Variants in CRIPT observed in about 807,000 individuals in gnomAD.
CRIPT encodes the protein cysteine-rich PDZ-binding protein.
A neutral mutation model predicts 16.6 loss-of-function variants in CRIPT; 20 were observed. The ratio of observed to expected loss-of-function variants is 1.20; its 90% CI spans 0.85 to 1.75. The LOEUF (loss-of-function observed/expected upper bound fraction) is 1.75, where lower values mean the gene tolerates loss of function less well. CRIPT is among the 40% of genes most tolerant of loss of function. The probability of loss-of-function intolerance (pLI) is 0.00; values close to 1 mark genes in which losing one functional copy is unlikely to be tolerated. For synonymous variants in CRIPT, 42 were observed against 37.0 expected, an observed-to-expected ratio of 1.14 and a Z score of -0.49; for missense variants, 133 against 115.3, an observed-to-expected ratio of 1.15 and a Z score of -0.70.
chr2:46,618,919 T>G, intron 2 of CRIPT, 81 bp downstream of exon 2: 1 of 852,186 alleles, frequency 1.2e-6, no homozygotes, highest in Non-Finnish European at 1.9e-6. Context: ...ATTTGTACAA[T>G]GAAATGTTAT....
rs560565201 is a variant in CRIPT, at chr2:46,630,106, A to G, written c.*5879A>G. 3.9e-5 allele frequency among the ~76,000 whole-genome samples: 6 copies of G among 152,280 alleles called. No homozygotes were observed. Among genetic ancestry groups the G allele is most frequent in the African/African-American group, 1.2e-4 (5 of 41,548 alleles). On this transcript the variant is annotated 3_prime_UTR_variant, in exon 5 of 5. Coordinates refer to ENST00000238892, the MANE Select transcript of CRIPT (RefSeq NM_014171.6). ...TTACTTAAGTTTGTATTTCCAAAGA[A>G]CAAGGGTGTTTTCCTGCATAGCCAT...
At chr2:46,620,664 G>A (rs1670778549) in intron 3 of CRIPT, among the ~76,000 whole-genome samples, 1 of 146,444 alleles carries the variant, frequency 6.8e-6, no homozygotes, top group Admixed American at 7.0e-5. Context: ...TCAATCTACT[G>A]GCTTTAAATT....
Position 46,624,242 on chromosome 2 carries a change from T to G in CRIPT, c.*15T>G. 6.6e-7 allele frequency: 1 copy of G among 1,521,976 alleles called. No individual in the cohort carries two copies. The highest frequency in any genetic ancestry group is 8.9e-7 in the Non-Finnish European group (1 of 1,124,212). 94.3% of individuals were successfully genotyped at this position (1,521,976 alleles called of 1,614,324 possible). A position where few individuals can be genotyped will look rare whatever the true frequency, so the allele number is the denominator to read the frequency against. On this transcript the variant is annotated 3_prime_UTR_variant, in exon 5 of 5. Coordinates refer to ENST00000238892, the MANE Select transcript of CRIPT (RefSeq NM_014171.6). ...CATCTGTCTAGATGTATTGATGGAA[T>G]TTCTGGCTTTCTAAATGATTTTACT...
intron 3 of CRIPT, among the ~76,000 whole-genome samples, chr2:46,621,272 G>A (rs982423832): frequency 3.3e-5 from 5 of 152,064 alleles, no homozygotes; most frequent in East Asian, 1.9e-4. Context: ...CTCCGGCTTC[G>A]TATTGTACCA....
chr2:46,623,545 A>G (rs1018794712), intron 3 of CRIPT, among the ~76,000 whole-genome samples: 4 of 152,216 alleles, frequency 2.6e-5, no homozygotes, highest in South Asian at 2.1e-4. Flanking sequence ...ATACTGTACA[A>G]CTGATTCTTT....
At position 46,627,053 on chromosome 2, in the gene CRIPT, G is replaced by C. The variant is rs1199834728; in HGVS notation, c.*2826G>C. Among the ~76,000 whole-genome samples, 2 of 152,094 alleles carry C rather than the reference G, an allele frequency of 1.3e-5. No homozygotes were observed. Among genetic ancestry groups the C allele is most frequent in the African/African-American group, 4.8e-5 (2 of 41,396 alleles). On this transcript the variant is annotated 3_prime_UTR_variant, in exon 5 of 5. Coordinates refer to ENST00000238892, the MANE Select transcript of CRIPT (RefSeq NM_014171.6). ...TCACCATGTTGGCCAGCCTGGTCTC[G>C]AATTCCTGACCTCAGGTGATCCACC... is the stretch of plus-strand genomic sequence containing the variant.
intron 3 of CRIPT, among the ~76,000 whole-genome samples, chr2:46,622,089 G>C (rs947345081): frequency 2.0e-5 from 3 of 152,198 alleles, no homozygotes; most frequent in African/African-American, 7.2e-5. Context: ...CCAAGGTTAG[G>C]CCGGGTGCGG....
In CRIPT at chr2:46,617,226, G is replaced by T. The variant is rs1218308706; in HGVS notation, c.-57G>T. 1.3e-6 allele frequency: 2 copies of T among 1,551,256 alleles called. No individual in the cohort carries two copies. On this transcript the variant is annotated 5_prime_UTR_variant, in exon 1 of 5. Transcript: ENST00000238892. ...AATACTTCCAAGTTGTAGTGTTGTT[G>T]TTTTCAGCCTGCTGCTGCTGCTGCT...
chr2:46,617,235 C>A lies in CRIPT; in HGVS notation c.-48C>A. ...AAGTTGTAGTGTTGTTGTTTTCAGCCTGCTGCTGCTGCTGCTGTTGCGGCT... is the reference window on the plus strand; with the variant it reads ...AAGTTGTAGTGTTGTTGTTTTCAGCATGCTGCTGCTGCTGCTGTTGCGGCT... On this transcript the variant is annotated 5_prime_UTR_variant, in exon 1 of 5. The change creates a new upstream start codon in the 5' untranslated region. Coordinates refer to ENST00000238892, the MANE Select transcript of CRIPT (RefSeq NM_014171.6). 1.5e-6 allele frequency: 2 copies of A among 1,346,574 alleles called. No homozygotes were observed. Among genetic ancestry groups the A allele is most frequent in the Non-Finnish European group, 2.0e-6 (2 of 992,648 alleles). 83.4% of individuals were successfully genotyped at this position (1,346,574 alleles called of 1,614,324 possible).
intron 3 of CRIPT, among the ~76,000 whole-genome samples, chr2:46,620,062 G>A (rs956191765): frequency 6.6e-6 from 1 of 152,072 alleles, no homozygotes; most frequent in Admixed American, 6.5e-5. Context: ...AGCATGTTTC[G>A]TGACCTTTCT....
At chr2:46,620,746 A>G (rs1025435177) in intron 3 of CRIPT, among the ~76,000 whole-genome samples, 15 of 148,664 alleles carry the variant, frequency 1.0e-4, no homozygotes, top group African/African-American at 3.7e-4. Context: ...TTATATATAT[A>G]TAACTCCCAA....
In CRIPT at chr2:46,625,319, C is replaced by T. The variant is rs1670911415; in HGVS notation, c.*1092C>T. Reference sequence around the variant, plus strand: ...CTTCTGATCTCAAGCAATCCTCTGGCCTCAGCCTTCCGAAGTGCTGGGATA... The same window carrying T: ...CTTCTGATCTCAAGCAATCCTCTGGTCTCAGCCTTCCGAAGTGCTGGGATA... On this transcript the variant is annotated 3_prime_UTR_variant, in exon 5 of 5. Coordinates refer to ENST00000238892, the MANE Select transcript of CRIPT (RefSeq NM_014171.6). The T allele has an allele frequency of 6.7e-6, 1 of 149,718 alleles. No homozygotes were observed. The highest frequency in any genetic ancestry group is 2.5e-5 in the African/African-American group (1 of 40,790). 9.3% of individuals were successfully genotyped at this position (149,718 alleles called of 1,614,324 possible).
intron 1 of CRIPT, among the ~76,000 whole-genome samples, 155 bp downstream of exon 1, chr2:46,617,453 TC>T (rs553402354): frequency 1.0e-3 from 154 of 152,182 alleles, no homozygotes; most frequent in African/African-American, 3.7e-3. Context: ...TTTTTGCACC[TC>T]CCAACGACCA....
In CRIPT at chr2:46,618,833, C is replaced by A. The variant is rs755092497; in HGVS notation, c.77C>A (p.Thr26Asn). 1.3e-6 allele frequency: 2 copies of A among 1,591,808 alleles called. No homozygotes were observed. Among genetic ancestry groups the A allele is most frequent in the East Asian group, 4.5e-5 (2 of 44,378 alleles). The change falls in exon 2 of 5, where the codon ACC becomes AAC. Residue 26 changes from threonine to asparagine, a missense_variant. Coordinates refer to ENST00000238892, the MANE Select transcript of CRIPT (RefSeq NM_014171.6). ...ACATGGAAAGATGGTGCTAGGAATA[C>A]CACAGGTATTTCTTCTTTTAGAAAA... is the stretch of plus-strand genomic sequence containing the variant. ...PDTWKDGARN[T>N]TESGGRKLNE...
At chr2:46,621,517 A>G (rs900107283) in intron 3 of CRIPT, among the ~76,000 whole-genome samples, 2 of 152,216 alleles carry the variant, frequency 1.3e-5, no homozygotes, top group East Asian at 1.9e-4. Context: ...AATTTTCTCT[A>G]TAATACTACT....
chr2:46,630,064 G>T lies in CRIPT; in HGVS notation c.*5837G>T, dbSNP rs530445581. 6.6e-6 allele frequency among the ~76,000 whole-genome samples: 1 copy of T among 151,842 alleles called. No homozygotes were observed. The highest frequency in any genetic ancestry group is 2.4e-5 in the African/African-American group (1 of 41,326). On this transcript the variant is annotated 3_prime_UTR_variant, in exon 5 of 5. Coordinates refer to ENST00000238892, the MANE Select transcript of CRIPT (RefSeq NM_014171.6). ...ATTTGAATATTCCTTACTAGATGTG[G>T]TGCCTCTTTACCCCAATTACTTAAG...
At chr2:46,619,013 C>T (rs1252843341) in intron 2 of CRIPT, among the ~76,000 whole-genome samples, 175 bp downstream of exon 2, 1 of 152,146 alleles carries the variant, frequency 6.6e-6, no homozygotes, top group Non-Finnish European at 1.5e-5. Context: ...TTCTCAGTTA[C>T]TTGTACGGGT....
chr2:46,620,624 C>T (rs983827043), intron 3 of CRIPT, among the ~76,000 whole-genome samples: 37 of 150,834 alleles, frequency 2.5e-4, no homozygotes, highest in Non-Finnish European at 7.4e-5. Flanking sequence ...CTGTTCTTGT[C>T]GAGATCACAA....
In CRIPT at chr2:46,624,537, A is replaced by G. The variant is rs1670887608; in HGVS notation, c.*310A>G. 5.4e-6 allele frequency: 1 copy of G among 184,182 alleles called. No homozygotes were observed. The highest frequency in any genetic ancestry group is 1.9e-4 in the South Asian group (1 of 5,382). 11.4% of individuals were successfully genotyped at this position (184,182 alleles called of 1,614,324 possible). A position where few individuals can be genotyped will look rare whatever the true frequency, so the allele number is the denominator to read the frequency against. ...ATTCTCCCCCCACCACTTTATTTATAGATACTGCAAAAGTGAGAAGGAGAT... is the reference window on the plus strand; with the variant it reads ...ATTCTCCCCCCACCACTTTATTTATGGATACTGCAAAAGTGAGAAGGAGAT... On this transcript the variant is annotated 3_prime_UTR_variant, in exon 5 of 5. Transcript: ENST00000238892.
Sources: gnomAD v4.1 joint callset for allele counts (sites outside exome capture counted in the v4.1 genomes callset) on GRCh38, gnomAD v4.1.1 for gene constraint, MANE v1.5 for transcripts, NCBI Gene and HGNC (gene_info 2026-07-23, HGNC 2026-07-21) for gene names.